Variants in LIM2 observed in about 807,000 individuals in gnomAD.
LIM2 encodes lens fiber membrane intrinsic protein.
Under a neutral mutation model 19.0 loss-of-function variants are expected in LIM2, and 14 were observed. That is an observed-to-expected ratio of 0.74 (90% confidence interval 0.49 to 1.15). The LOEUF (loss-of-function observed/expected upper bound fraction) is 1.15, where lower values mean the gene tolerates loss of function less well. Among genes scored for constraint, LIM2 ranks in the 50% most tolerant of loss-of-function variants. LIM2 has a pLI of 0.00. For synonymous variants in LIM2, 78 were observed against 89.6 expected (o/e 0.87, Z 0.73); for missense variants, 230 against 243.5 (o/e 0.94, Z 0.37).
At chr19:51,381,242 C>A (rs902901718) in intron 3 of LIM2, among the ~76,000 whole-genome samples, 1 of 151,836 alleles carries the variant, frequency 6.6e-6, no homozygotes, top group Non-Finnish European at 1.5e-5. Context: ...CACTTGAACC[C>A]GGGAGGGGAG....
At position 51,382,700 on chromosome 19, in the gene LIM2, C is replaced by T. The variant is rs1986928787; in HGVS notation, c.176-133G>A. Reference sequence around the variant, plus strand: ...CTCATCCTTCCCTTCTTTGCAAATGCCCTCTTCTTCACCTGGCAAACTCCT... The same window carrying T: ...CTCATCCTTCCCTTCTTTGCAAATGTCCTCTTCTTCACCTGGCAAACTCCT... On this transcript the variant is annotated intron_variant, in intron 2 of 4. Coordinates refer to ENST00000596399, the MANE Select transcript of LIM2 (RefSeq NM_001161748.2). 4.1e-6 allele frequency: 5 copies of T among 1,215,230 alleles called. No individual in the cohort carries two copies. The Admixed American group carries it at 5.8e-5, about 14-fold the overall frequency. 75.3% of individuals were successfully genotyped at this position (1,215,230 alleles called of 1,614,324 possible).
At chr19:51,380,916 C>T (rs1399911454) in intron 3 of LIM2, among the ~76,000 whole-genome samples, 2 of 151,994 alleles carry the variant, frequency 1.3e-5, no homozygotes, top group East Asian at 1.9e-4. Context: ...TTTGGAACTT[C>T]CTGAGTAATA....
chr19:51,384,015 C>T (rs995048009), intron 2 of LIM2, among the ~76,000 whole-genome samples: 6 of 152,192 alleles, frequency 3.9e-5, no homozygotes, highest in Non-Finnish European at 5.9e-5. Context: ...TGTCCCCCGC[C>T]TCAAATGTTT....
intron 2 of LIM2, among the ~76,000 whole-genome samples, chr19:51,384,660 C>T (rs1384690524): frequency 6.6e-6 from 1 of 152,178 alleles, no homozygotes. Context: ...ATTTTGCCCA[C>T]ATCTTCATCT....
chr19:51,383,699 A>G (rs57167336), intron 2 of LIM2, among the ~76,000 whole-genome samples: 1 of 152,266 alleles, frequency 6.6e-6, no homozygotes, highest in African/African-American at 2.4e-5. Flanking sequence ...CTCTATAAGT[A>G]CCATTTTTAT....
chr19:51,380,458 C>T (rs764623334), intron 4 of LIM2, 47 bp downstream of exon 4: 2 of 1,612,966 alleles, frequency 1.2e-6, no homozygotes, highest in Admixed American at 3.3e-5. Flanking sequence ...CTATCTGCTG[C>T]CCACTCTGCC....
Position 51,382,552 on chromosome 19 carries a change from G to A in LIM2, c.191C>T (p.Thr64Ile), listed in dbSNP as rs1446082271. 1.2e-6 allele frequency: 2 copies of A among 1,613,682 alleles called. No individual in the cohort carries two copies. Among genetic ancestry groups the A allele is most frequent in the Non-Finnish European group, 8.5e-7 (1 of 1,179,886 alleles). Residue 64 changes from threonine to isoleucine, a missense_variant, in exon 3 of 5, where the codon ACC becomes ATC. By Grantham distance (89) the Thr-to-Ile change is moderately conservative (BLOSUM62 -1). Coordinates refer to ENST00000596399, the MANE Select transcript of LIM2 (RefSeq NM_001161748.2). Reference protein sequence around the residue: ...QTDSIAYWNATRAFMILSALC... With the variant: ...QTDSIAYWNAIRAFMILSALC... ...GGCAGACAGGATCATGAAGGCCCGG[G>A]TGGCATTCCAGTATGCTGTGGGAGC...
chr19:51,386,128 TTTTA>T (rs1987034130), intron 2 of LIM2, among the ~76,000 whole-genome samples: 1 of 151,220 alleles, frequency 6.6e-6, no homozygotes, highest in Admixed American at 6.6e-5. Context: ...ATTAATTAAT[TTTTA>T]TTTATTTTTT....
At chr19:51,385,258 A>ACG in intron 2 of LIM2, among the ~76,000 whole-genome samples, 1 of 152,154 alleles carries the variant, frequency 6.6e-6, no homozygotes, top group East Asian at 1.9e-4. Flanking sequence ...TCGGTGGCTC[A>ACG]TGCCTATAAT....
chr19:51,379,956 T>C lies in LIM2; in HGVS notation c.*245A>G, dbSNP rs758862764. ...GGCCCCAGAAAGTTGCTCTAATGGA[T>C]AGTCCATTTTTCTAACAACCTGCCA... On this transcript the variant is annotated 3_prime_UTR_variant, in exon 5 of 5. Coordinates refer to ENST00000596399, the MANE Select transcript of LIM2 (RefSeq NM_001161748.2). 23 of 593,246 alleles carry C rather than the reference T, an allele frequency of 3.9e-5. 1 individual carries two copies. The highest frequency in any genetic ancestry group is 9.3e-5 in the African/African-American group (5 of 53,660). The allele number at this position is 593,246 out of a possible 1,614,324, so 36.7% of individuals were successfully genotyped here.
At chr19:51,382,754 A>T (rs1986931788) in intron 2 of LIM2, among the ~76,000 whole-genome samples, 187 bp from the exon 3 acceptor site, 1 of 151,948 alleles carries the variant, frequency 6.6e-6, no homozygotes, top group Admixed American at 6.6e-5. Context: ...AGCTCCCGTG[A>T]CCCATCCTCT....
intron 2 of LIM2, among the ~76,000 whole-genome samples, chr19:51,384,056 G>T (rs1399493931): frequency 3.3e-5 from 5 of 152,136 alleles, no homozygotes; most frequent in African/African-American, 1.2e-4. Context: ...GCCTTAGAAT[G>T]GTAACTTATT....
In LIM2 at chr19:51,387,491, G is replaced by A. The variant is rs2547308; in HGVS notation, c.-6-42C>T. The A allele has an allele frequency of 0.11, 177,485 of 1,609,430 alleles. 13,601 individuals carry two copies. Among genetic ancestry groups the A allele is most frequent in the East Asian group, 0.33 (14,682 of 44,780 alleles). ...AGATGGGATTGGGAGCTGAATTCCC[G>A]GGACTTGAAGGGAGGAACTGGGGGG... On this transcript the variant is annotated intron_variant, in intron 1 of 4. Transcript: ENST00000596399.
In LIM2 at chr19:51,387,424, C is replaced by T. The variant is rs1469941435; in HGVS notation, c.20G>A (p.Gly7Asp). MYSFMG[G>D]GLFCAWVGTI... is the part of the protein sequence containing the mutation. ...CCCCACCCAGGCACAGAACAGGCCA[C>T]CACCCATGAAGCTGTACATGGTGAT... Residue 7 changes from glycine to aspartate, a missense_variant, in exon 2 of 5, where the codon GGT becomes GAT. Coordinates refer to ENST00000596399, the MANE Select transcript of LIM2 (RefSeq NM_001161748.2). 3 of 1,613,866 alleles carry T rather than the reference C, an allele frequency of 1.9e-6. No homozygotes were observed. The highest frequency in any genetic ancestry group is 1.3e-5 in the African/African-American group (1 of 74,910).
chr19:51,387,492 G>A, intron 1 of LIM2, 43 bp from the exon 2 acceptor site: 1 of 1,610,628 alleles, frequency 6.2e-7, no homozygotes, highest in East Asian at 2.2e-5. Flanking sequence ...TGAATTCCCG[G>A]GACTTGAAGG....
rs910499275 is a variant in LIM2 at position 51,381,187 on chromosome 19, G to C, written c.326-548C>G. Reference sequence around the variant, plus strand: ...AAAAAAATTAGCTGGGTGTGGTGGTGGGTGCCTGTAATCCCAGCTACTCAG... The same window carrying C: ...AAAAAAATTAGCTGGGTGTGGTGGTCGGTGCCTGTAATCCCAGCTACTCAG... On this transcript the variant is annotated intron_variant, in intron 3 of 4. Coordinates refer to ENST00000596399, the MANE Select transcript of LIM2 (RefSeq NM_001161748.2). Among the ~76,000 whole-genome samples, 29 of 152,140 alleles carry C rather than the reference G, an allele frequency of 1.9e-4. 1 individual carries two copies. Among genetic ancestry groups the C allele is most frequent in the Admixed American group, 1.8e-3 (27 of 15,276 alleles).
Position 51,382,401 on chromosome 19 carries a change from A to T in LIM2, c.325+17T>A. ...TGAGAGCGAGGAGAGGGGTAGGGAGAGGGTGGGCTTACTCACTTGAGGAAA... is the reference window on the plus strand; with the variant it reads ...TGAGAGCGAGGAGAGGGGTAGGGAGTGGGTGGGCTTACTCACTTGAGGAAA... On this transcript the variant is annotated intron_variant, in intron 3 of 4. Coordinates refer to ENST00000596399, the MANE Select transcript of LIM2 (RefSeq NM_001161748.2). The T allele has an allele frequency of 6.2e-7, 1 of 1,611,150 alleles. No homozygotes were observed. Among genetic ancestry groups the T allele is most frequent in the South Asian group, 1.1e-5 (1 of 90,960 alleles).
At position 51,380,247 on chromosome 19, in the gene LIM2, C is replaced by T; in HGVS notation, c.476G>A (p.Cys159Tyr). 6.2e-7 allele frequency: 1 copy of T among 1,613,654 alleles called. No individual in the cohort carries two copies. The highest frequency in any genetic ancestry group is 1.3e-5 in the African/African-American group (1 of 74,974). ...MTFFAGIFYM[C>Y]AYRVHECRRL... is the part of the protein sequence containing the mutation. Reference sequence around the variant, plus strand: ...CCGGCATTCATGCACCCGGTAGGCGCACATGTAGAAAATCCCTGCATGAGA... The same window carrying T: ...CCGGCATTCATGCACCCGGTAGGCGTACATGTAGAAAATCCCTGCATGAGA... Residue 159 changes from cysteine (C) to tyrosine (Y), a missense_variant, in exon 5 of 5, where the codon TGC (cysteine) becomes TAC (tyrosine). By Grantham distance (194) the Cys-to-Tyr change is radical. Coordinates refer to ENST00000596399, the MANE Select transcript of LIM2 (RefSeq NM_001161748.2).
intron 2 of LIM2, among the ~76,000 whole-genome samples, chr19:51,384,955 T>G (rs567738082): frequency 6.6e-6 from 1 of 152,270 alleles, no homozygotes; most frequent in East Asian, 1.9e-4. Context: ...CTTAAACTTC[T>G]GGGCTCAAGT....
Sources: allele counts gnomAD v4.1 joint callset (sites outside exome capture counted in the v4.1 genomes callset), GRCh38; gene constraint gnomAD v4.1.1; transcripts MANE v1.5; gene names NCBI Gene and HGNC (gene_info 2026-07-23, HGNC 2026-07-21).